Variants in TTYH2 observed in about 807,000 individuals in gnomAD.
TTYH2 encodes the protein protein tweety homolog 2.
TTYH2 carries 49 observed loss-of-function variants against 68.3 expected under a neutral mutation model. That is an observed-to-expected ratio of 0.72 (90% CI 0.57 to 0.91). The LOEUF is 0.91. Ranked by LOEUF, TTYH2 falls within the 40% of genes least tolerant of loss-of-function variation. TTYH2 has a pLI of 0.00. For synonymous variants in TTYH2, 272 were observed against 300.8 expected (o/e 0.90, Z 0.99); for missense variants, 631 against 700.4 (o/e 0.90, Z 1.12).
chr17:74,248,128 T>G (rs1198397870), intron 6 of TTYH2: 2 of 333,756 alleles, frequency 6.0e-6, no homozygotes, highest in Non-Finnish European at 8.5e-6. Context: ...AGCAGGGCAC[T>G]CAGAGGGGTC....
At chr17:74,258,804 G>C (rs1394898252) in intron 13 of TTYH2, among the ~76,000 whole-genome samples, 1 of 151,980 alleles carries the variant, frequency 6.6e-6, no homozygotes, top group Non-Finnish European at 1.5e-5. Context: ...AATATCTCCA[G>C]ACATTGCCTA....
chr17:74,240,387 C>T (rs1013114495), intron 4 of TTYH2, among the ~76,000 whole-genome samples: 6 of 151,348 alleles, frequency 4.0e-5, no homozygotes, highest in African/African-American at 1.5e-4. Flanking sequence ...TGCAGTGAGC[C>T]GAGATTGCGC....
chr17:74,248,638 C>T (rs1241604389), intron 6 of TTYH2: 2 of 1,128,634 alleles, frequency 1.8e-6, no homozygotes, highest in South Asian at 3.0e-5. Flanking sequence ...ACACAGCCTG[C>T]AGCTGCCCTG....
At chr17:74,233,220 G>A (rs1330288153) in intron 3 of TTYH2, among the ~76,000 whole-genome samples, 1 of 152,154 alleles carries the variant, frequency 6.6e-6, no homozygotes, top group Admixed American at 6.5e-5. Flanking sequence ...CTTGCCTCCA[G>A]GTGGAAAGGT....
chr17:74,259,849 G>A (rs971277659), intron 13 of TTYH2, among the ~76,000 whole-genome samples: 6 of 152,178 alleles, frequency 3.9e-5, no homozygotes, highest in East Asian at 3.8e-4. Context: ...CTGCTCCTCC[G>A]TGCGCTGGTG....
At chr17:74,235,318 C>T (rs1239989378) in intron 3 of TTYH2, among the ~76,000 whole-genome samples, 1 of 152,080 alleles carries the variant, frequency 6.6e-6, no homozygotes, top group East Asian at 1.9e-4. Context: ...TCGTTTTTAT[C>T]TCCCAGACCC....
chr17:74,231,259 C>T (rs1333805069), intron 3 of TTYH2, among the ~76,000 whole-genome samples: 1 of 152,244 alleles, frequency 6.6e-6, no homozygotes, highest in Non-Finnish European at 1.5e-5. Flanking sequence ...CATTTTCCAA[C>T]AAGCCGAACA....
In TTYH2 at chr17:74,214,031, G is replaced by T. The variant is rs1274405231; in HGVS notation, c.129+315G>T. Among the ~76,000 whole-genome samples, 1 of 152,198 alleles carries T rather than the reference G, an allele frequency of 6.6e-6. No homozygotes were observed. The highest frequency in any genetic ancestry group is 2.4e-5 in the African/African-American group (1 of 41,466). On this transcript the variant is annotated intron_variant, in intron 1 of 13. Coordinates refer to ENST00000269346, the MANE Select transcript of TTYH2 (RefSeq NM_032646.6). This position sits in a 1 kb window ranked among gnomAD's most constrained non-coding sequence, Gnocchi z 4.6. ...GCTGAGCGGGCAGGGCGGCGCGGGG[G>T]AGGGGTAAGGACAGGGGCATTCGTC... is the stretch of plus-strand genomic sequence containing the variant.
rs1050602569 is a variant in TTYH2 at position 74,217,644 on chromosome 17, C to A, written c.129+3928C>A. On this transcript the variant is annotated intron_variant, in intron 1 of 13. Transcript: ENST00000269346. This position sits in a 1 kb window ranked among gnomAD's most constrained non-coding sequence, Gnocchi z 4.0. ...TCCCAGTGGGCCTGGGAGGGAGACT[C>A]TCCCTCTAGGTGCTCCTAGTTTCCC... is the stretch of plus-strand genomic sequence containing the variant. 3.9e-5 allele frequency among the ~76,000 whole-genome samples: 6 copies of A among 152,178 alleles called. No homozygotes were observed. Among genetic ancestry groups the A allele is most frequent in the African/African-American group, 1.4e-4 (6 of 41,450 alleles).
intron 3 of TTYH2, among the ~76,000 whole-genome samples, chr17:74,236,497 GTC>G (rs906579839): frequency 2.0e-5 from 3 of 152,256 alleles, no homozygotes; most frequent in African/African-American, 7.2e-5. Flanking sequence ...CCATCTGGGT[GTC>G]TCTGTATATA....
chr17:74,219,133 C>T lies in TTYH2; in HGVS notation c.130-3352C>T, dbSNP rs187887633. On this transcript the variant is annotated intron_variant, in intron 1 of 13. Transcript: ENST00000269346. Reference sequence around the variant, plus strand: ...TCAGGAGGCTGAGGCAGGAGAATCACTTGAACCTGGGAGGCGGAGGTTATA... The same window carrying T: ...TCAGGAGGCTGAGGCAGGAGAATCATTTGAACCTGGGAGGCGGAGGTTATA... Among the ~76,000 whole-genome samples, 538 of 151,956 alleles carry T rather than the reference C, an allele frequency of 3.5e-3. 1 individual carries two copies. The highest frequency in any genetic ancestry group is 6.2e-3 in the Admixed American group (95 of 15,278).
In TTYH2 at chr17:74,232,158, C is replaced by T. The variant is rs1249125906; in HGVS notation, c.414+1159C>T. On this transcript the variant is annotated intron_variant, in intron 3 of 13. Transcript: ENST00000269346. This position sits in a 1 kb window ranked among gnomAD's most constrained non-coding sequence, Gnocchi z 5.1. ...TCCAGCCCCAACAGGAGAATTTGGC[C>T]ATTGCCCCGGCATCCTCCAGAAGAG... is the stretch of plus-strand genomic sequence containing the variant. 6.6e-6 allele frequency among the ~76,000 whole-genome samples: 1 copy of T among 152,222 alleles called. No individual in the cohort carries two copies. Among genetic ancestry groups the T allele is most frequent in the Non-Finnish European group, 1.5e-5 (1 of 68,026 alleles).
rs925493255 is a variant in TTYH2, at chr17:74,232,836, C to G, written c.414+1837C>G. On this transcript the variant is annotated intron_variant, in intron 3 of 13. Coordinates refer to ENST00000269346, the MANE Select transcript of TTYH2 (RefSeq NM_032646.6). This position sits in a 1 kb window ranked among gnomAD's most constrained non-coding sequence, Gnocchi z 5.1. ...ACATCAAGTCCTAGAAGTCCCTATCCCACAGGACGAGAGCTGCCAGGGAGG... is the reference window on the plus strand; with the variant it reads ...ACATCAAGTCCTAGAAGTCCCTATCGCACAGGACGAGAGCTGCCAGGGAGG... 1.4e-4 allele frequency among the ~76,000 whole-genome samples: 22 copies of G among 152,202 alleles called. No homozygotes were observed. Among genetic ancestry groups the G allele is most frequent in the African/African-American group, 5.1e-4 (21 of 41,452 alleles).
chr17:74,244,256 T>C (rs1279336243), intron 6 of TTYH2, among the ~76,000 whole-genome samples: 4 of 152,144 alleles, frequency 2.6e-5, no homozygotes, highest in Non-Finnish European at 1.5e-5. Context: ...CTGCCCAGGG[T>C]CAGAGCCAGG....
chr17:74,258,667 C>T (rs1424614558), intron 13 of TTYH2, among the ~76,000 whole-genome samples: 6 of 151,820 alleles, frequency 4.0e-5, no homozygotes, highest in Admixed American at 3.9e-4. Context: ...TCTTCAGCCT[C>T]AGTGCTATTG....
chr17:74,221,539 G>T (rs1330040387), intron 1 of TTYH2, among the ~76,000 whole-genome samples: 3 of 152,242 alleles, frequency 2.0e-5, no homozygotes, highest in Admixed American at 6.5e-5. Flanking sequence ...TGCATGGGAA[G>T]CAGGGGCGGC....
At chr17:74,251,153 G>A (rs1040387560) in intron 10 of TTYH2, among the ~76,000 whole-genome samples, 7 of 151,622 alleles carry the variant, frequency 4.6e-5, no homozygotes, top group African/African-American at 1.7e-4. Context: ...ATGTGTGTAT[G>A]TATGTGTGTG....
chr17:74,246,642 C>T (rs2050561023), intron 6 of TTYH2, among the ~76,000 whole-genome samples: 1 of 152,184 alleles, frequency 6.6e-6, no homozygotes, highest in Admixed American at 6.5e-5. Flanking sequence ...CCTGTCCCCT[C>T]TCCTGCCATC....
chr17:74,250,087 T>A (rs1598230887), intron 9 of TTYH2, 59 bp downstream of exon 9: 1 of 1,586,704 alleles, frequency 6.3e-7, no homozygotes, highest in East Asian at 2.2e-5. Context: ...CCCTTTCCCC[T>A]GCCCCGGCCC....
Sources: allele counts gnomAD v4.1 joint callset (sites outside exome capture counted in the v4.1 genomes callset), GRCh38; gene constraint gnomAD v4.1.1; non-coding constraint Gnocchi (gnomAD v3.1); transcripts MANE v1.5; gene names NCBI Gene and HGNC (gene_info 2026-07-23, HGNC 2026-07-21).